Variants in PRDM11 observed in about 807,000 individuals in gnomAD.
PRDM11 encodes the protein PR domain-containing protein 11.
PRDM11 carries 20 observed loss-of-function variants against 97.8 expected under a neutral mutation model. The observed-to-expected ratio is 0.20, with a 90% CI of 0.14 to 0.30. The LOEUF is 0.30. PRDM11 is among the 10% of genes least tolerant of loss of function. PRDM11 has a pLI of 1.00. For missense variants in PRDM11, 1,139 were observed against 1,555.2 expected (o/e 0.73, Z 4.50); for synonymous variants, 599 against 637.7 (o/e 0.94, Z 0.91).
chr11:45,133,961 C>G (rs1377282972), intron 1 of PRDM11, among the ~76,000 whole-genome samples: 1 of 152,168 alleles, frequency 6.6e-6, no homozygotes, highest in Non-Finnish European at 1.5e-5. Flanking sequence ...GCACAGGAAC[C>G]CTGAAGGGCA....
In PRDM11 at chr11:45,228,235, T is replaced by G. The variant is rs1006616396; in HGVS notation, c.*76T>G. 1 of 352,812 alleles carries G rather than the reference T, an allele frequency of 2.8e-6. No homozygotes were observed. Among genetic ancestry groups the G allele is most frequent in the African/African-American group, 3.6e-5 (1 of 27,808 alleles). 21.9% of individuals were successfully genotyped at this position (352,812 alleles called of 1,614,324 possible). ...TACTCATAAGCTTTGATATATTATATAAATATATATTATATTATATTATAT... is the reference window on the plus strand; with the variant it reads ...TACTCATAAGCTTTGATATATTATAGAAATATATATTATATTATATTATAT... On this transcript the variant is annotated 3_prime_UTR_variant, in exon 8 of 8. Transcript: ENST00000683152.
chr11:45,101,306 C>T (rs1345904461), intron 1 of PRDM11, among the ~76,000 whole-genome samples: 2 of 152,104 alleles, frequency 1.3e-5, no homozygotes, highest in Admixed American at 1.3e-4. Context: ...GCCTGTAATC[C>T]CAACACTTTG....
chr11:45,193,232 A>C (rs773833654), intron 4 of PRDM11, among the ~76,000 whole-genome samples: 10 of 152,174 alleles, frequency 6.6e-5, no homozygotes, highest in Non-Finnish European at 8.8e-5. Flanking sequence ...GTGTGCCATC[A>C]CACCCATCTA....
intron 4 of PRDM11, among the ~76,000 whole-genome samples, chr11:45,194,226 C>T (rs577181973): frequency 2.0e-5 from 3 of 152,192 alleles, no homozygotes; most frequent in South Asian, 2.1e-4. Flanking sequence ...TGAGGATTCC[C>T]GCATATTGAT....
At chr11:45,209,036 C>T (rs1020093579) in intron 5 of PRDM11, 1 of 456,568 alleles carries the variant, frequency 2.2e-6, no homozygotes, top group African/African-American at 2.0e-5. Flanking sequence ...AAGGCATAGC[C>T]CGGAAAATCA....
rs187954108 is a variant in PRDM11 at position 45,184,684 on chromosome 11, A to C, written c.486+1561A>C. On this transcript the variant is annotated intron_variant, in intron 4 of 7. Transcript: ENST00000683152. ...CTGGAAGGGGACTGGGTTGAGGGAAAAATCATGATTTGGGTTTGGGACTTG... is the reference window on the plus strand; with the variant it reads ...CTGGAAGGGGACTGGGTTGAGGGAACAATCATGATTTGGGTTTGGGACTTG... 5.9e-5 allele frequency among the ~76,000 whole-genome samples: 9 copies of C among 152,224 alleles called. No homozygotes were observed. In the East Asian group the frequency reaches 1.7e-3, roughly 30 times the overall value.
chr11:45,205,066 T>C (rs766497399), intron 5 of PRDM11, among the ~76,000 whole-genome samples: 3 of 152,020 alleles, frequency 2.0e-5, no homozygotes, highest in Non-Finnish European at 4.4e-5. Flanking sequence ...GCAGCATTCC[T>C]AGGGAGGAGG....
chr11:45,185,751 C>G (rs1041205904), intron 4 of PRDM11, among the ~76,000 whole-genome samples: 3 of 152,072 alleles, frequency 2.0e-5, no homozygotes, highest in African/African-American at 7.2e-5. Flanking sequence ...CACATAATGT[C>G]CCCCCAAAAA....
intron 1 of PRDM11, among the ~76,000 whole-genome samples, chr11:45,117,248 G>C (rs1164458306): frequency 1.5e-5 from 2 of 130,856 alleles, no homozygotes; most frequent in Admixed American, 7.5e-5. Context: ...AAAAAAAAAA[G>C]AGTTCCCAGT....
intron 1 of PRDM11, among the ~76,000 whole-genome samples, chr11:45,158,673 G>A (rs901995722): frequency 5.3e-5 from 8 of 152,124 alleles, no homozygotes; most frequent in Non-Finnish European, 1.0e-4. Flanking sequence ...CCTCCCTGAC[G>A]GGAGCTGGGG....
chr11:45,188,687 C>T (rs1852799400), intron 4 of PRDM11, among the ~76,000 whole-genome samples: 1 of 152,238 alleles, frequency 6.6e-6, no homozygotes, highest in Admixed American at 6.5e-5. Flanking sequence ...CTCACCTCTG[C>T]CTGTCTAGGA....
chr11:45,213,409 G>A (rs778116533), intron 5 of PRDM11: 9 of 445,140 alleles, frequency 2.0e-5, no homozygotes, highest in South Asian at 3.2e-5. Context: ...CTGCTGCATC[G>A]GCCTCCCACA....
intron 4 of PRDM11, among the ~76,000 whole-genome samples, chr11:45,185,686 C>A (rs973162224): frequency 3.3e-5 from 5 of 152,142 alleles, no homozygotes; most frequent in African/African-American, 1.2e-4. Flanking sequence ...ATTTCTGTCC[C>A]TACAGGGTTA....
chr11:45,123,304 T>C (rs1004779766), intron 1 of PRDM11, among the ~76,000 whole-genome samples: 1 of 152,258 alleles, frequency 6.6e-6, no homozygotes, highest in African/African-American at 2.4e-5. Context: ...GCCTGTTCAC[T>C]GTGATGGTGG....
intron 5 of PRDM11, among the ~76,000 whole-genome samples, chr11:45,210,007 C>T (rs974126429): frequency 2.0e-5 from 3 of 152,146 alleles, no homozygotes; most frequent in Non-Finnish European, 2.9e-5. Context: ...ATCAGGAAGG[C>T]GCTTGGCACG....
Position 45,180,468 on chromosome 11 carries a change from C to T in PRDM11, c.-6-1293C>T, listed in dbSNP as rs1403191649. Among the ~76,000 whole-genome samples the T allele has an allele frequency of 1.3e-5, 2 of 151,900 alleles. 1 individual carries two copies. The highest frequency in any genetic ancestry group is 2.9e-5 in the Non-Finnish European group (2 of 67,872). On this transcript the variant is annotated intron_variant, in intron 1 of 7. Coordinates refer to ENST00000683152, the MANE Select transcript of PRDM11 (RefSeq NM_001384648.1). The stretch of plus-strand genomic sequence containing the variant: ...GCCCTGGCACCCCCCGGGCCGAGTG[C>T]GCATCGGGCCCCGTGGGAGGCCCTG...
At chr11:45,208,030 G>A (rs370563652) in intron 5 of PRDM11, among the ~76,000 whole-genome samples, 10 of 152,190 alleles carry the variant, frequency 6.6e-5, no homozygotes, top group East Asian at 3.9e-4. Flanking sequence ...GGATGGAAGG[G>A]CCATGCTGTG....
At chr11:45,141,734 A>G (rs1289926897), upstream of PRDM11, among the ~76,000 whole-genome samples, 1 of 152,168 alleles carries the variant, frequency 6.6e-6, no homozygotes, top group African/African-American at 2.4e-5. Context: ...TGCTCCTGAG[A>G]ACGGACTGCA....
At chr11:45,108,532 G>C (rs1852105651) in intron 1 of PRDM11, among the ~76,000 whole-genome samples, 1 of 152,190 alleles carries the variant, frequency 6.6e-6, no homozygotes, top group Non-Finnish European at 1.5e-5. Flanking sequence ...TTTCCTGCTG[G>C]GGCCCACGGA....
Sources: gnomAD v4.1 joint callset for allele counts (sites outside exome capture counted in the v4.1 genomes callset) on GRCh38, gnomAD v4.1.1 for gene constraint, MANE v1.5 for transcripts, NCBI Gene and HGNC (gene_info 2026-07-23, HGNC 2026-07-21) for gene names.